Variants in MAP4 observed in about 807,000 individuals in gnomAD.
MAP4 encodes microtubule associated protein 4.
A neutral mutation model predicts 170.2 loss-of-function variants in MAP4; 76 were observed. The ratio of observed to expected loss-of-function variants is 0.45; its 90% confidence interval spans 0.37 to 0.54. MAP4 has a LOEUF of 0.54. Among genes scored for constraint, MAP4 ranks in the 20% least tolerant of loss-of-function variants. MAP4 has a pLI of 0.00. For missense variants in MAP4, 2,506 were observed against 2,748.0 expected (o/e 0.91, Z 1.97); for synonymous variants, 909 against 994.5 (o/e 0.91, Z 1.62).
intron 12 of MAP4, among the ~76,000 whole-genome samples, chr3:47,874,816 C>T (rs1419304854): frequency 2.0e-5 from 3 of 152,242 alleles, no homozygotes; most frequent in Non-Finnish European, 2.9e-5. Flanking sequence ...TAGACTTCAA[C>T]TCCTAGGTTC....
At chr3:48,044,311 C>T (rs1038675885) in intron 1 of MAP4, among the ~76,000 whole-genome samples, 3 of 151,034 alleles carry the variant, frequency 2.0e-5, no homozygotes, top group African/African-American at 7.3e-5. Context: ...CCCGCCACCA[C>T]GCCCGGCTAA....
chr3:48,046,832 C>A (rs1010499429), intron 1 of MAP4, among the ~76,000 whole-genome samples: 1 of 152,148 alleles, frequency 6.6e-6, no homozygotes, highest in Non-Finnish European at 1.5e-5. Flanking sequence ...CGGTGGCTCA[C>A]GCCTGTAATC....
chr3:47,938,019 AG>A (rs1438990899), intron 3 of MAP4, among the ~76,000 whole-genome samples: 3 of 151,562 alleles, frequency 2.0e-5, no homozygotes, highest in Admixed American at 1.3e-4. Flanking sequence ...GAGGGAAAGG[AG>A]GGAGAGAACA....
In MAP4 at chr3:47,855,948, G is replaced by C. The variant is rs910534269; in HGVS notation, c.6584-588C>G. On this transcript the variant is annotated intron_variant, in intron 18 of 20. Coordinates refer to ENST00000683076, the MANE Select transcript of MAP4 (RefSeq NM_001385682.1). The surrounding 1 kb of genome is among the most constrained non-coding windows in gnomAD (Gnocchi z 5.1). ...AAAAGAAGGAATAATAAAAAGGACA[G>C]AGTGGCCCCGAGGCTGTGCGCTGAG... Among the ~76,000 whole-genome samples the C allele has an allele frequency of 6.6e-6, 1 of 152,138 alleles. No individual in the cohort carries two copies. The highest frequency in any genetic ancestry group is 1.5e-5 in the Non-Finnish European group (1 of 68,034).
At chr3:47,872,247 G>C (rs1025220896) in intron 12 of MAP4, 147 bp from the exon 13 acceptor site, 3 of 685,436 alleles carry the variant, frequency 4.4e-6, no homozygotes, top group Admixed American at 5.9e-5. Flanking sequence ...GCAGTGGCAT[G>C]ATCTCGGCTC....
At chr3:47,974,032 C>T in intron 3 of MAP4, 1 of 985,354 alleles carries the variant, frequency 1.0e-6, no homozygotes, top group Non-Finnish European at 1.2e-6. Flanking sequence ...AGAGGGAATG[C>T]TTCCTAAATT....
At chr3:47,872,133 G>T in intron 12 of MAP4, 33 bp from the exon 13 acceptor site, 1 of 1,571,270 alleles carries the variant, frequency 6.4e-7, no homozygotes. Flanking sequence ...GAGGCCTGCA[G>T]GTCAGCAATA....
chr3:48,008,547 G>T (rs969695286), intron 1 of MAP4, among the ~76,000 whole-genome samples: 1 of 152,216 alleles, frequency 6.6e-6, no homozygotes, highest in African/African-American at 2.4e-5. Flanking sequence ...TGGCTGGTCA[G>T]GGACTTGGAA....
intron 3 of MAP4, among the ~76,000 whole-genome samples, chr3:47,933,002 A>C (rs184226903): frequency 1.7e-4 from 26 of 152,314 alleles, no homozygotes; most frequent in Non-Finnish European, 3.2e-4. Flanking sequence ...TCCTGGGCTC[A>C]AGAGATCTTC....
At chr3:47,950,081 G>A (rs2100062721) in intron 3 of MAP4, among the ~76,000 whole-genome samples, 1 of 152,156 alleles carries the variant, frequency 6.6e-6, no homozygotes. Context: ...CTCCTCAAAA[G>A]GTCTGAATCT....
intron 3 of MAP4, among the ~76,000 whole-genome samples, chr3:47,945,422 G>A (rs2100059168): frequency 6.6e-6 from 1 of 152,092 alleles, no homozygotes; most frequent in African/African-American, 2.4e-5. Flanking sequence ...ACAAGATACG[G>A]TTCCTCCATT....
intron 1 of MAP4, among the ~76,000 whole-genome samples, chr3:48,074,726 G>GTGTGTGTGTGTGTGTGTGAT (rs1003251844): frequency 6.8e-6 from 1 of 147,558 alleles, no homozygotes; most frequent in African/African-American, 2.5e-5. Flanking sequence ...GTGTGTGTGT[G>GTGTGTGTGTGTGTGTGTGAT]ATATGTCGGC....
chr3:48,040,659 G>C (rs1024297940), intron 1 of MAP4, among the ~76,000 whole-genome samples: 1 of 152,144 alleles, frequency 6.6e-6, no homozygotes, highest in South Asian at 2.1e-4. Context: ...TGCCTCCCAG[G>C]TTCAAGCAAT....
At chr3:47,880,462 TCA>T (rs1173893198) in intron 10 of MAP4, among the ~76,000 whole-genome samples, 3 of 138,244 alleles carry the variant, frequency 2.2e-5, no homozygotes, top group Admixed American at 1.5e-4. Flanking sequence ...AATTCCAATT[TCA>T]GTTTTTTTTT....
At chr3:47,862,451 T>C (rs947580158) in intron 17 of MAP4, among the ~76,000 whole-genome samples, 1 of 151,502 alleles carries the variant, frequency 6.6e-6, no homozygotes, top group African/African-American at 2.4e-5. Flanking sequence ...TTATTAGTGT[T>C]ACTATTTTAA....
chr3:47,862,488 T>G (rs1041238863), intron 17 of MAP4, among the ~76,000 whole-genome samples: 3 of 152,084 alleles, frequency 2.0e-5, no homozygotes, highest in Non-Finnish European at 4.4e-5. Context: ...TTTCCTTTTT[T>G]TTTTGTTGAG....
chr3:47,902,988 G>A lies in MAP4; in HGVS notation c.5396C>T (p.Ser1799Leu). 1 of 985,024 alleles carries A rather than the reference G, an allele frequency of 1.0e-6. No homozygotes were observed. The highest frequency in any genetic ancestry group is 4.7e-5 in the South Asian group (1 of 21,272). 61.0% of individuals were successfully genotyped at this position (985,024 alleles called of 1,614,324 possible). A position where few individuals can be genotyped will look rare whatever the true frequency, so the allele number is the denominator to read the frequency against. The change falls in exon 10 of 21, where the codon TCA becomes TTA. Residue 1799 changes from serine to leucine, a missense_variant. Coordinates refer to ENST00000683076, the MANE Select transcript of MAP4 (RefSeq NM_001385682.1). ...KQLKSAVCLS[S>L]STVYQQLGMS... Reference sequence around the variant, plus strand: ...TCCCAGCTGCTGGTAGACAGTTGATGAGCTCAAGCAAACTGAAGAAAGAAA... The same window carrying A: ...TCCCAGCTGCTGGTAGACAGTTGATAAGCTCAAGCAAACTGAAGAAAGAAA...
At chr3:47,915,554 G>A (rs1426347872) in intron 7 of MAP4, among the ~76,000 whole-genome samples, 1 of 152,178 alleles carries the variant, frequency 6.6e-6, no homozygotes, top group East Asian at 1.9e-4. Context: ...GTAGGAAAGA[G>A]GAGATGGAAT....
At position 47,952,658 on chromosome 3, in the gene MAP4, TA is replaced by T. The variant is rs200706776; in HGVS notation, c.293-24309del. Among the ~76,000 whole-genome samples the T allele has an allele frequency of 9.7e-3, 1,405 of 144,946 alleles. 14 individuals are homozygous for T. Among genetic ancestry groups the T allele is most frequent in the Middle Eastern group, 0.028 (8 of 288 alleles). ...AAATGGAAAAAATAAATAAATAAATTAAAAAAAAAATAAAAATAAAAATAAA... is the reference window on the plus strand; with the variant it reads ...AAATGGAAAAAATAAATAAATAAATTAAAAAAAAATAAAAATAAAAATAAA... On this transcript the variant is annotated intron_variant, in intron 3 of 20. Coordinates refer to ENST00000683076, the MANE Select transcript of MAP4 (RefSeq NM_001385682.1).
Sources: allele counts gnomAD v4.1 joint callset (sites outside exome capture counted in the v4.1 genomes callset), GRCh38; gene constraint gnomAD v4.1.1; non-coding constraint Gnocchi (gnomAD v3.1); transcripts MANE v1.5; gene names NCBI Gene and HGNC (gene_info 2026-07-23, HGNC 2026-07-21).